The following EPHA3 variants were observed in gnomAD, a reference collection of about 807,000 sequenced individuals.
EPHA3 encodes the protein ephrin type-A receptor 3.
In EPHA3, 42 loss-of-function variants were observed where a neutral mutation model predicts 107.1. That is an observed-to-expected ratio of 0.39 (90% CI 0.31 to 0.51). The LOEUF is 0.51. Ranked by LOEUF, EPHA3 falls within the 20% of genes least tolerant of loss-of-function variation. EPHA3 has a pLI of 0.78. For missense variants in EPHA3, 1,183 were observed against 1,211.2 expected, an observed-to-expected ratio of 0.98 and a Z score of 0.35; for synonymous variants, 461 against 424.8, an observed-to-expected ratio of 1.09 and a Z score of -1.05.
At chr3:89,405,293 G>C (rs1396380724) in intron 7 of EPHA3, among the ~76,000 whole-genome samples, 2 of 152,146 alleles carry the variant, frequency 1.3e-5, no homozygotes, top group Non-Finnish European at 2.9e-5. Context: ...GGATGGCCAG[G>C]CTCCAGTAAC....
chr3:89,332,741 G>A (rs1479373210), intron 3 of EPHA3, among the ~76,000 whole-genome samples: 1 of 152,144 alleles, frequency 6.6e-6, no homozygotes, highest in African/African-American at 2.4e-5. Context: ...AGTCAGTGCT[G>A]GTTCTAGTCA....
chr3:89,249,983 T>C (rs1267053034), intron 3 of EPHA3, among the ~76,000 whole-genome samples: 1 of 152,208 alleles, frequency 6.6e-6, no homozygotes, highest in Non-Finnish European at 1.5e-5. Context: ...GCCGAATGCT[T>C]GTAAAAAATG....
At chr3:89,365,469 A>G (rs1249768897) in intron 5 of EPHA3, among the ~76,000 whole-genome samples, 1 of 150,668 alleles carries the variant, frequency 6.6e-6, no homozygotes, top group East Asian at 1.9e-4. Flanking sequence ...CAGGCATAAG[A>G]GCAGATACAA....
At chr3:89,456,439 T>G (rs941082361) in intron 15 of EPHA3, among the ~76,000 whole-genome samples, 1 of 152,234 alleles carries the variant, frequency 6.6e-6, no homozygotes, top group Non-Finnish European at 1.5e-5. Context: ...ATGGTCAAAT[T>G]TTATTTTTTT....
chr3:89,254,493 C>T (rs913164745), intron 3 of EPHA3, among the ~76,000 whole-genome samples: 1 of 152,156 alleles, frequency 6.6e-6, no homozygotes, highest in African/African-American at 2.4e-5. Context: ...TTCTCTTAAA[C>T]TCCACATCCT....
chr3:89,324,815 G>A (rs1707129738), intron 3 of EPHA3, among the ~76,000 whole-genome samples: 1 of 152,046 alleles, frequency 6.6e-6, no homozygotes, highest in Admixed American at 6.6e-5. Context: ...AAGATAGTGA[G>A]CATAATACCC....
intron 5 of EPHA3, among the ~76,000 whole-genome samples, chr3:89,370,734 C>T (rs1390518650): frequency 6.6e-6 from 1 of 151,268 alleles, no homozygotes; most frequent in East Asian, 1.9e-4. Context: ...AGAAGGAATG[C>T]AAACAACAAA....
intron 15 of EPHA3, among the ~76,000 whole-genome samples, chr3:89,458,871 C>A (rs144178572): frequency 5.0e-4 from 76 of 152,290 alleles, no homozygotes; most frequent in Non-Finnish European, 8.7e-4. Context: ...AGTTCATGTC[C>A]TTTGCAGGGA....
At chr3:89,418,289 C>T (rs903792305) in intron 10 of EPHA3, among the ~76,000 whole-genome samples, 1 of 151,360 alleles carries the variant, frequency 6.6e-6, no homozygotes, top group African/African-American at 2.4e-5. Context: ...AGAAGTTCTT[C>T]TGTGAACAAA....
intron 3 of EPHA3, among the ~76,000 whole-genome samples, chr3:89,295,804 G>A (rs1029002007): frequency 6.6e-6 from 1 of 151,700 alleles, no homozygotes; most frequent in Non-Finnish European, 1.5e-5. Context: ...TGGCCAGGCT[G>A]GTCTCGAACT....
intron 2 of EPHA3, among the ~76,000 whole-genome samples, chr3:89,206,260 C>T (rs569201748): frequency 6.6e-6 from 1 of 152,176 alleles, no homozygotes; most frequent in South Asian, 2.1e-4. Flanking sequence ...TGGTATCTTG[C>T]CAAATGTTAA....
At chr3:89,420,348 G>T (rs749290877) in intron 11 of EPHA3, among the ~76,000 whole-genome samples, 5 of 151,222 alleles carry the variant, frequency 3.3e-5, no homozygotes, top group Non-Finnish European at 5.9e-5. Context: ...TCTCACTTTA[G>T]CATGACTAAA....
At chr3:89,345,679 A>T (rs1028881011) in intron 5 of EPHA3, among the ~76,000 whole-genome samples, 1 of 143,970 alleles carries the variant, frequency 6.9e-6, no homozygotes. Flanking sequence ...GGTTAGTTAC[A>T]TATGTATACA....
At chr3:89,163,551 G>A (rs930278045) in intron 2 of EPHA3, among the ~76,000 whole-genome samples, 24 of 150,584 alleles carry the variant, frequency 1.6e-4, no homozygotes, top group African/African-American at 5.4e-4. Flanking sequence ...ATGTGTAGAT[G>A]TTTTGTGAGT....
At chr3:89,424,914 T>C (rs1709426719) in intron 11 of EPHA3, among the ~76,000 whole-genome samples, 1 of 151,382 alleles carries the variant, frequency 6.6e-6, no homozygotes. Context: ...GCATTCTATG[T>C]GTTAGGATTG....
At chr3:89,337,458 T>C (rs1229797618) in intron 3 of EPHA3, among the ~76,000 whole-genome samples, 2 of 152,254 alleles carry the variant, frequency 1.3e-5, no homozygotes, top group African/African-American at 4.8e-5. Context: ...TTGATAAGAT[T>C]TAATTGAGAT....
At chr3:89,263,301 G>A (rs550051981) in intron 3 of EPHA3, among the ~76,000 whole-genome samples, 16 of 152,180 alleles carry the variant, frequency 1.1e-4, no homozygotes, top group Non-Finnish European at 1.6e-4. Flanking sequence ...GTCTGCGGAT[G>A]GCTTAAGTGT....
chr3:89,476,667 G>A (rs1310538832), intron 16 of EPHA3, among the ~76,000 whole-genome samples: 1 of 150,398 alleles, frequency 6.6e-6, no homozygotes, highest in Non-Finnish European at 1.5e-5. Flanking sequence ...GAGTGCAGTG[G>A]CGCGATCTCG....
chr3:89,188,051 C>A (rs2107134351), intron 2 of EPHA3, among the ~76,000 whole-genome samples: 1 of 152,088 alleles, frequency 6.6e-6, no homozygotes, highest in South Asian at 2.1e-4. Context: ...TTACTTTATT[C>A]CAATAATATA....
Sources: allele counts gnomAD v4.1 joint callset (sites outside exome capture counted in the v4.1 genomes callset), GRCh38; gene constraint gnomAD v4.1.1; transcripts MANE v1.5; gene names NCBI Gene and HGNC (gene_info 2026-07-23, HGNC 2026-07-21).